Variants in AGAP1 observed in about 807,000 individuals in gnomAD.
The protein encoded by AGAP1 is arf-GAP with GTPase, ANK repeat and PH domain-containing protein 1.
AGAP1 carries 29 observed loss-of-function variants against 105.3 expected under a neutral mutation model. The ratio of observed to expected loss-of-function variants is 0.28; its 90% CI spans 0.21 to 0.38. The LOEUF (loss-of-function observed/expected upper bound fraction) is 0.38. AGAP1 is among the 10% of genes least tolerant of loss of function. The pLI, the probability that AGAP1 is intolerant of heterozygous loss-of-function variation, is 1.00. For missense variants in AGAP1, 998 were observed against 1,165.1 expected, an observed-to-expected ratio of 0.86 and a Z score of 2.09; for synonymous variants, 509 against 485.9, an observed-to-expected ratio of 1.05 and a Z score of -0.63.
chr2:236,124,777 G>A lies in AGAP1; in HGVS notation c.*655G>A, dbSNP rs2059977492. The A allele has an allele frequency of 6.5e-6, 1 of 154,446 alleles. No homozygotes were observed. Among genetic ancestry groups the A allele is most frequent in the South Asian group, 2.0e-4 (1 of 4,910 alleles). 9.6% of individuals were successfully genotyped at this position (154,446 alleles called of 1,614,324 possible). On this transcript the variant is annotated 3_prime_UTR_variant, in exon 18 of 18. Coordinates refer to ENST00000304032, the MANE Select transcript of AGAP1 (RefSeq NM_001037131.3). This position sits in a 1 kb window ranked among gnomAD's most constrained non-coding sequence, Gnocchi z 5.1. ...AGAAAGCATATTAGCCGAGGAGGTA[G>A]TCACGCGGCACGCGCCGGTGATTGC...
chr2:235,762,456 G>T (rs1954531821), intron 6 of AGAP1, among the ~76,000 whole-genome samples: 2 of 152,164 alleles, frequency 1.3e-5, no homozygotes. Flanking sequence ...TTTGTGTATT[G>T]AATGCAGAGC....
intron 1 of AGAP1, among the ~76,000 whole-genome samples, chr2:235,674,094 A>G (rs79882898): frequency 0.011 from 1,661 of 152,306 alleles, 24 homozygotes; most frequent in African/African-American, 0.037. Flanking sequence ...CTTTTGTAGG[A>G]TGATTCTCTT....
In AGAP1 at chr2:235,555,908, A is replaced by G. The variant is rs1943957565; in HGVS notation, c.163+61059A>G. Among the ~76,000 whole-genome samples, 1 of 152,142 alleles carries G rather than the reference A, an allele frequency of 6.6e-6. No homozygotes were observed. Among genetic ancestry groups the G allele is most frequent in the Admixed American group, 6.5e-5 (1 of 15,280 alleles). On this transcript the variant is annotated intron_variant, in intron 1 of 17. Transcript: ENST00000304032. This position sits in a 1 kb window ranked among gnomAD's most constrained non-coding sequence, Gnocchi z 5.1. ...TTGGTTGGTTGATTGGCTGAGGAAT[A>G]TTTGGGGCACCTGCTCTGGGCCATG...
At chr2:235,502,700 C>CTTTT (rs5839594) in intron 1 of AGAP1, among the ~76,000 whole-genome samples, 8 of 110,986 alleles carry the variant, frequency 7.2e-5, no homozygotes, top group African/African-American at 2.8e-4. Flanking sequence ...TTTTATTTGC[C>CTTTT]TTTTTTTTTT....
chr2:235,976,535 T>G lies in AGAP1; in HGVS notation c.1645+7912T>G, dbSNP rs1448041159. On this transcript the variant is annotated intron_variant, in intron 13 of 17. Coordinates refer to ENST00000304032, the MANE Select transcript of AGAP1 (RefSeq NM_001037131.3). The surrounding 1 kb of genome is among the most constrained non-coding windows in gnomAD (Gnocchi z 4.5). ...GGATGTTTGTAGTGTGGTTTTTGTT[T>G]GTTTGTTTGTTTTAATTTTTTTAAC... Among the ~76,000 whole-genome samples the G allele has an allele frequency of 6.6e-6, 1 of 152,234 alleles. No homozygotes were observed. Among genetic ancestry groups the G allele is most frequent in the African/African-American group, 2.4e-5 (1 of 41,474 alleles).
At chr2:235,592,714 TTAGTTATG>T (rs1945390638) in intron 1 of AGAP1, among the ~76,000 whole-genome samples, 2 of 152,188 alleles carry the variant, frequency 1.3e-5, no homozygotes, top group East Asian at 3.9e-4. Context: ...TGGGCGCATC[TTAGTTATG>T]GTGTCAGTCC....
At position 235,633,470 on chromosome 2, in the gene AGAP1, T is replaced by C. The variant is rs1421743317; in HGVS notation, c.164-75709T>C. Among the ~76,000 whole-genome samples the C allele has an allele frequency of 6.6e-6, 1 of 152,158 alleles. No individual in the cohort carries two copies. The highest frequency in any genetic ancestry group is 6.5e-5 in the Admixed American group (1 of 15,270). On this transcript the variant is annotated intron_variant, in intron 1 of 17. Transcript: ENST00000304032. The surrounding 1 kb of genome is among the most constrained non-coding windows in gnomAD (Gnocchi z 4.8). ...TTAGCCAGGCATGGTGGCGGGCTCC[T>C]GTAATTCCAGCTACTCGGGGGCTAA...
intron 1 of AGAP1, among the ~76,000 whole-genome samples, chr2:235,647,105 C>G (rs13395310): frequency 1.3e-5 from 2 of 149,058 alleles, no homozygotes; most frequent in African/African-American, 2.5e-5. Context: ...CACTGCACCA[C>G]CCGAGACTCC....
Position 235,751,344 on chromosome 2 carries a change from C to T in AGAP1, c.673+856C>T, listed in dbSNP as rs1953419130. ...TGGTGGAAGTCACTTGTAGGGTCCT[C>T]TCCCCTTCTGGTTTAAATCCATGGG... On this transcript the variant is annotated intron_variant, in intron 6 of 17. Transcript: ENST00000304032. This position sits in a 1 kb window ranked among gnomAD's most constrained non-coding sequence, Gnocchi z 5.3. 6.6e-6 allele frequency among the ~76,000 whole-genome samples: 1 copy of T among 152,132 alleles called. No individual in the cohort carries two copies. The highest frequency in any genetic ancestry group is 2.1e-4 in the South Asian group (1 of 4,828).
At chr2:235,671,267 C>T (rs1948407688) in intron 1 of AGAP1, among the ~76,000 whole-genome samples, 1 of 152,314 alleles carries the variant, frequency 6.6e-6, no homozygotes, top group East Asian at 1.9e-4. Context: ...TGCTGGTGCC[C>T]CTCGGAGTCC....
intron 13 of AGAP1, among the ~76,000 whole-genome samples, chr2:236,010,685 T>C (rs1038620023): frequency 6.6e-6 from 1 of 152,206 alleles, no homozygotes; most frequent in Non-Finnish European, 1.5e-5. Flanking sequence ...GACTGCCTCA[T>C]GAATTCAGTT....
At chr2:235,948,432 A>C (rs1575854378) in intron 12 of AGAP1, among the ~76,000 whole-genome samples, 4 of 151,750 alleles carry the variant, frequency 2.6e-5, no homozygotes, top group Non-Finnish European at 5.9e-5. Flanking sequence ...TGTTCCCCCC[A>C]CCTCCATCTC....
At position 236,075,252 on chromosome 2, in the gene AGAP1, G is replaced by GT. The variant is rs200698241; in HGVS notation, c.2114+25979dup. Reference sequence around the variant, plus strand: ...GATTCTGGTGATGGTTGCGCGCTGGGTTTTTTTTACTAGAAATCACTGAAG... The same window carrying GT: ...GATTCTGGTGATGGTTGCGCGCTGGGTTTTTTTTTACTAGAAATCACTGAAG... On this transcript the variant is annotated intron_variant, in intron 16 of 17. Transcript: ENST00000304032. Among the ~76,000 whole-genome samples, 1,208 of 151,976 alleles carry GT rather than the reference G, an allele frequency of 7.9e-3. 15 individuals are homozygous for GT. The highest frequency in any genetic ancestry group is 0.027 in the African/African-American group (1,109 of 41,432).
rs2052917000 is a variant in AGAP1 at position 235,934,955 on chromosome 2, A to G, written c.1483+4032A>G. ...GAACTTTTCAAAGTCTCCTCTCTAG[A>G]CACACCGGTCCCCCCGGGGTTTCTT... On this transcript the variant is annotated intron_variant, in intron 12 of 17. Transcript: ENST00000304032. The surrounding 1 kb of genome is among the most constrained non-coding windows in gnomAD (Gnocchi z 4.9). 6.6e-6 allele frequency among the ~76,000 whole-genome samples: 1 copy of G among 152,108 alleles called. No homozygotes were observed. The highest frequency in any genetic ancestry group is 2.4e-5 in the African/African-American group (1 of 41,432).
chr2:235,758,567 G>A (rs1185543230), intron 6 of AGAP1, among the ~76,000 whole-genome samples: 1 of 152,154 alleles, frequency 6.6e-6, no homozygotes, highest in Non-Finnish European at 1.5e-5. Flanking sequence ...TCCTGGGACA[G>A]ATGGGTGGTA....
intron 10 of AGAP1, among the ~76,000 whole-genome samples, chr2:235,892,152 CAA>C (rs76856873): frequency 4.4e-5 from 6 of 136,386 alleles, no homozygotes; most frequent in Non-Finnish European, 3.2e-5. Context: ...ACTCCCATCT[CAA>C]AAAAAAAAAA....
intron 1 of AGAP1, among the ~76,000 whole-genome samples, chr2:235,616,353 C>T (rs1417735073): frequency 1.3e-5 from 2 of 150,004 alleles, no homozygotes; most frequent in African/African-American, 4.9e-5. Flanking sequence ...GAGTGAGACT[C>T]CATCTCAAAA....
At chr2:235,519,912 A>T (rs1254039036) in intron 1 of AGAP1, among the ~76,000 whole-genome samples, 1 of 152,004 alleles carries the variant, frequency 6.6e-6, no homozygotes, top group Non-Finnish European at 1.5e-5. Context: ...CCTCCTGAGT[A>T]GCTGGGATTA....
At chr2:235,952,004 C>T (rs1346434720) in intron 12 of AGAP1, among the ~76,000 whole-genome samples, 1 of 152,190 alleles carries the variant, frequency 6.6e-6, no homozygotes, top group African/African-American at 2.4e-5. Flanking sequence ...TTTTTAAATA[C>T]AGTTGTTTAA....
Sources: gnomAD v4.1 joint callset for allele counts (sites outside exome capture counted in the v4.1 genomes callset) on GRCh38, gnomAD v4.1.1 for gene constraint, Gnocchi (gnomAD v3.1) non-coding constraint, MANE v1.5 for transcripts, NCBI Gene and HGNC (gene_info 2026-07-23, HGNC 2026-07-21) for gene names.